SEC24B: variants seen among roughly 807,000 people sequenced by gnomAD.
SEC24B encodes the protein SEC24 homolog B, COPII component.
In SEC24B, 45 loss-of-function variants were observed where a neutral mutation model predicts 142.8. The ratio of observed to expected loss-of-function variants is 0.32; its 90% CI spans 0.25 to 0.40. The LOEUF is 0.40. Ranked by LOEUF, SEC24B falls within the 10% of genes least tolerant of loss-of-function variation. The pLI is 1.00. For synonymous variants in SEC24B, 574 were observed against 568.2 expected (o/e 1.01, Z -0.15); for missense variants, 1,409 against 1,526.8 (o/e 0.92, Z 1.29).
chr4:109,463,112 G>A lies in SEC24B; in HGVS notation c.345G>A (p.Gln115=). The change falls in exon 2 of 24, where the codon CAG becomes CAA. Residue 115 remains glutamine (Q), a synonymous_variant. Transcript: ENST00000265175. ...NTVNQQPGAQ[Q]LYSRGPPAPH... is the part of the protein sequence containing the mutation. ...TGAACCAGCAACCAGGAGCACAGCA[G>A]TTGTACAGCAGGGGTCCTCCTGCCC... The A allele has an allele frequency of 1.9e-6, 3 of 1,614,162 alleles. No individual in the cohort carries two copies. The highest frequency in any genetic ancestry group is 2.5e-6 in the Non-Finnish European group (3 of 1,180,014).
At chr4:109,520,799 C>T (rs1055319305) in intron 12 of SEC24B, among the ~76,000 whole-genome samples, 2 of 152,074 alleles carry the variant, frequency 1.3e-5, no homozygotes, top group Admixed American at 6.6e-5. Flanking sequence ...TCGAGACCAG[C>T]CTAACTAACA....
At chr4:109,485,636 CAGT>C (rs1486753892) in intron 4 of SEC24B, among the ~76,000 whole-genome samples, 2 of 152,052 alleles carry the variant, frequency 1.3e-5, no homozygotes, top group Non-Finnish European at 2.9e-5. Context: ...GAAACATTCT[CAGT>C]GGTGGGATGG....
chr4:109,510,011 C>A lies in SEC24B; in HGVS notation c.1676C>A (p.Ser559Ter). ...CATGTTGTTTATGTTTTTTGCAGTT[C>A]ATTTCGGTGTACTTTGACAAATATT... ...DLKKLNCSPD[S>*]FRCTLTNIPQ... The change falls in exon 8 of 24, where the codon TCA becomes TAA. Residue 559 changes from serine to a stop codon, truncating the protein, a stop_gained and splice_region_variant. Coordinates refer to ENST00000265175, the MANE Select transcript of SEC24B (RefSeq NM_006323.5). LOFTEE classifies it high-confidence loss of function. 1 of 1,590,720 alleles carries A rather than the reference C, an allele frequency of 6.3e-7. No individual in the cohort carries two copies. The highest frequency in any genetic ancestry group is 1.2e-5 in the South Asian group (1 of 86,822).
chr4:109,506,590 T>C, intron 7 of SEC24B, 78 bp downstream of exon 7: 1 of 1,028,606 alleles, frequency 9.7e-7, no homozygotes. Context: ...AAAAGTAGTA[T>C]GTTATTTCTT....
intron 1 of SEC24B, among the ~76,000 whole-genome samples, chr4:109,435,653 C>A (rs556584307): frequency 6.1e-4 from 93 of 152,342 alleles, no homozygotes; most frequent in Admixed American, 1.6e-3. Flanking sequence ...TCTGTAAGAA[C>A]AAATCAATGT....
At chr4:109,439,488 T>C in intron 1 of SEC24B, among the ~76,000 whole-genome samples, 2 of 75,110 alleles carry the variant, frequency 2.7e-5, no homozygotes, top group Non-Finnish European at 5.3e-5. Flanking sequence ...TTTTTTTTTT[T>C]TTTTTTTTTT....
At chr4:109,467,481 T>C (rs1264625700) in intron 2 of SEC24B, among the ~76,000 whole-genome samples, 2 of 152,192 alleles carry the variant, frequency 1.3e-5, no homozygotes, top group Non-Finnish European at 2.9e-5. Flanking sequence ...GTTGAATCTC[T>C]AGTATAGTCA....
chr4:109,536,113 T>G (rs866836644), intron 22 of SEC24B, among the ~76,000 whole-genome samples: 5 of 152,098 alleles, frequency 3.3e-5, no homozygotes, highest in Admixed American at 6.5e-5. Flanking sequence ...CAAGAGTTCA[T>G]TGGTAAAACT....
chr4:109,496,216 G>A lies in SEC24B; in HGVS notation c.1488+1360G>A, dbSNP rs1339362598. Among the ~76,000 whole-genome samples the A allele has an allele frequency of 2.6e-5, 4 of 151,920 alleles. No homozygotes were observed. In the East Asian group the frequency reaches 7.8e-4, roughly 29 times the overall value. The stretch of plus-strand genomic sequence containing the variant: ...CAACCTCCGCCTACTGGGTTCAAGC[G>A]ATTCTCCTGCCTCAGCCTTCCGAGT... On this transcript the variant is annotated intron_variant, in intron 6 of 23. Transcript: ENST00000265175.
intron 1 of SEC24B, among the ~76,000 whole-genome samples, chr4:109,442,435 T>C (rs1337697989): frequency 6.6e-6 from 1 of 152,216 alleles, no homozygotes; most frequent in Non-Finnish European, 1.5e-5. Flanking sequence ...GACTGAATAT[T>C]GGCCTATTTC....
chr4:109,494,147 A>G (rs899898706), intron 5 of SEC24B, among the ~76,000 whole-genome samples: 2 of 152,096 alleles, frequency 1.3e-5, no homozygotes, highest in Non-Finnish European at 2.9e-5. Context: ...TGTGTATTAT[A>G]TAAATATATT....
At chr4:109,446,433 A>G (rs559398825) in intron 1 of SEC24B, among the ~76,000 whole-genome samples, 75 of 152,352 alleles carry the variant, frequency 4.9e-4, no homozygotes, top group African/African-American at 1.8e-3. Flanking sequence ...GTCCCTTGAC[A>G]CTTTGTAGCC....
At chr4:109,463,983 C>CT (rs1731590365) in intron 2 of SEC24B, among the ~76,000 whole-genome samples, 1 of 152,170 alleles carries the variant, frequency 6.6e-6, no homozygotes, top group East Asian at 1.9e-4. Context: ...ACTATTTTCT[C>CT]TTTTATACTA....
intron 22 of SEC24B, among the ~76,000 whole-genome samples, chr4:109,535,851 CA>C (rs70954160): frequency 2.7e-5 from 4 of 150,198 alleles, no homozygotes; most frequent in Non-Finnish European, 5.9e-5. Context: ...GACTCCGTCT[CA>C]AAAAAAAAGT....
intron 22 of SEC24B, 58 bp downstream of exon 22, chr4:109,533,743 A>T: frequency 9.9e-7 from 1 of 1,012,458 alleles, no homozygotes; most frequent in East Asian, 2.4e-5. Flanking sequence ...TTATTGATGT[A>T]AAATTCATGT....
chr4:109,534,393 T>C (rs1248617252), intron 22 of SEC24B, among the ~76,000 whole-genome samples: 1 of 152,014 alleles, frequency 6.6e-6, no homozygotes, highest in Non-Finnish European at 1.5e-5. Flanking sequence ...GAGACCATCC[T>C]GGTGAACACG....
chr4:109,445,410 A>T (rs1729357157), intron 1 of SEC24B, among the ~76,000 whole-genome samples: 1 of 123,806 alleles, frequency 8.1e-6, no homozygotes. Flanking sequence ...CGCCCAGCTA[A>T]TTTTTTTTTT....
At chr4:109,465,172 A>G (rs1731726893) in intron 2 of SEC24B, among the ~76,000 whole-genome samples, 1 of 152,102 alleles carries the variant, frequency 6.6e-6, no homozygotes, top group Non-Finnish European at 1.5e-5. Context: ...TTTTTTTAGC[A>G]TCCATAGTAG....
Position 109,463,391 on chromosome 4 carries a change from G to A in SEC24B, c.624G>A (p.Gly208=), listed in dbSNP as rs778254272. Residue 208 remains glycine, a synonymous_variant, in exon 2 of 24, where the codon GGG becomes GGA. Transcript: ENST00000265175. ...YPSLPAGDTY[G]QMFTSQNAPT... ...CTCTGCCTGCTGGTGATACATATGG[G>A]CAAATGTTTACCTCACAGAATGCTC... 1 of 1,614,148 alleles carries A rather than the reference G, an allele frequency of 6.2e-7. No individual in the cohort carries two copies. The highest frequency in any genetic ancestry group is 8.5e-7 in the Non-Finnish European group (1 of 1,180,018).
Sources: gnomAD v4.1 joint callset for allele counts (sites outside exome capture counted in the v4.1 genomes callset) on GRCh38, gnomAD v4.1.1 for gene constraint, MANE v1.5 for transcripts, NCBI Gene and HGNC (gene_info 2026-07-23, HGNC 2026-07-21) for gene names.